The following CAMK2B variants were observed in gnomAD, a reference collection of about 807,000 sequenced individuals.
CAMK2B encodes the protein calcium/calmodulin dependent protein kinase II beta.
CAMK2B carries 27 observed loss-of-function variants against 93.7 expected under a neutral mutation model. That is an observed-to-expected ratio of 0.29 (90% CI 0.21 to 0.40). CAMK2B has a LOEUF of 0.40. Among genes scored for constraint, CAMK2B ranks in the 10% least tolerant of loss-of-function variants. The probability of loss-of-function intolerance (pLI) is 1.00; values close to 1 mark genes in which losing one functional copy is unlikely to be tolerated. For synonymous variants in CAMK2B, 374 were observed against 358.8 expected (o/e 1.04, Z -0.48); for missense variants, 568 against 895.8 (o/e 0.63, Z 4.67).
chr7:44,277,168 C>T (rs528642948), intron 2 of CAMK2B, among the ~76,000 whole-genome samples: 6 of 148,580 alleles, frequency 4.0e-5, no homozygotes, highest in African/African-American at 7.3e-5. Flanking sequence ...GCTGGGCAAG[C>T]GGGCGGGGGG....
At chr7:44,320,030 G>A (rs1795702846) in intron 1 of CAMK2B, among the ~76,000 whole-genome samples, 1 of 152,170 alleles carries the variant, frequency 6.6e-6, no homozygotes, top group Non-Finnish European at 1.5e-5. Flanking sequence ...GAACTTGAGT[G>A]TAAAGGAGTC....
intron 2 of CAMK2B, among the ~76,000 whole-genome samples, chr7:44,279,100 A>G (rs2097079781): frequency 6.6e-6 from 1 of 151,982 alleles, no homozygotes; most frequent in Admixed American, 6.5e-5. Flanking sequence ...AGATGGTATC[A>G]AGGAATTACT....
chr7:44,257,958 C>A (rs765242031), intron 4 of CAMK2B, among the ~76,000 whole-genome samples: 26 of 152,252 alleles, frequency 1.7e-4, no homozygotes, highest in Admixed American at 7.2e-4. Context: ...GCAATAGCAC[C>A]AAGGCTGGGC....
chr7:44,253,510 G>T (rs1302125334), intron 5 of CAMK2B, among the ~76,000 whole-genome samples: 1 of 152,172 alleles, frequency 6.6e-6, no homozygotes, highest in Non-Finnish European at 1.5e-5. Flanking sequence ...ACCACGCACG[G>T]CCTAAAAAGA....
chr7:44,295,783 G>A (rs952762576), intron 1 of CAMK2B, among the ~76,000 whole-genome samples: 3 of 152,134 alleles, frequency 2.0e-5, no homozygotes, highest in African/African-American at 7.2e-5. Flanking sequence ...CAACCTGCTG[G>A]GGCTTTATCA....
rs1196874836 is a variant in CAMK2B at position 44,242,359 on chromosome 7, C to T, written c.697-19G>A. ...ACGGGAACTGCAGAAGGAAACAGCG[C>T]CCCGGCCGGGCCTGAAGCTCCCTCT... On this transcript the variant is annotated intron_variant, in intron 9 of 23. Transcript: ENST00000395749. 1.2e-6 allele frequency: 2 copies of T among 1,608,718 alleles called. No homozygotes were observed. The highest frequency in any genetic ancestry group is 1.7e-5 in the Admixed American group (1 of 59,402).
chr7:44,281,751 T>C (rs2097103858), intron 2 of CAMK2B, among the ~76,000 whole-genome samples: 1 of 152,082 alleles, frequency 6.6e-6, no homozygotes, highest in Non-Finnish European at 1.5e-5. Context: ...GAAATCCTGG[T>C]TACAGAGGCC....
chr7:44,287,079 G>A (rs1319671820), intron 1 of CAMK2B, among the ~76,000 whole-genome samples: 1 of 152,042 alleles, frequency 6.6e-6, no homozygotes, highest in African/African-American at 2.4e-5. Context: ...CTTTCCCAGC[G>A]ACTTGGATGC....
chr7:44,225,935 G>A lies in CAMK2B; in HGVS notation c.1597+581C>T. On this transcript the variant is annotated intron_variant, in intron 20 of 23. Coordinates refer to ENST00000395749, the MANE Select transcript of CAMK2B (RefSeq NM_001220.5). This position sits in a 1 kb window ranked among gnomAD's most constrained non-coding sequence, Gnocchi z 5.0. Reference sequence around the variant, plus strand: ...GTAGTCGGCAGACAGACCGGGAGGTGGCCCAGCCTGGCTCCTCCCTGGCCG... The same window carrying A: ...GTAGTCGGCAGACAGACCGGGAGGTAGCCCAGCCTGGCTCCTCCCTGGCCG... 7.9e-7 allele frequency: 1 copy of A among 1,270,162 alleles called. No individual in the cohort carries two copies. The highest frequency in any genetic ancestry group is 1.0e-6 in the Non-Finnish European group (1 of 976,212). The allele number at this position is 1,270,162 out of a possible 1,614,324, so 78.7% of individuals were successfully genotyped here. A position where few individuals can be genotyped will look rare whatever the true frequency, so the allele number is the denominator to read the frequency against.
intron 1 of CAMK2B, among the ~76,000 whole-genome samples, chr7:44,309,851 G>T (rs1584874577): frequency 6.6e-6 from 1 of 152,386 alleles, no homozygotes; most frequent in Non-Finnish European, 1.5e-5. Context: ...GCGCAGCCTT[G>T]CAGCGACCTT....
At chr7:44,220,933 G>C in intron 20 of CAMK2B, 32 bp from the exon 21 acceptor site, 1 of 1,539,396 alleles carries the variant, frequency 6.5e-7, no homozygotes, top group East Asian at 2.4e-5. Flanking sequence ...TGACCACTGG[G>C]CGCTGGCCCA....
intron 6 of CAMK2B, among the ~76,000 whole-genome samples, chr7:44,245,907 G>A (rs1391743920): frequency 6.6e-6 from 1 of 152,140 alleles, no homozygotes; most frequent in African/African-American, 2.4e-5. Flanking sequence ...CTACAGAGAA[G>A]CAGCAGGCTG....
At chr7:44,240,505 C>CG (rs887497121) in intron 12 of CAMK2B, among the ~76,000 whole-genome samples, 1 of 152,316 alleles carries the variant, frequency 6.6e-6, no homozygotes, top group East Asian at 1.9e-4. Context: ...GTGATGGCCT[C>CG]GGGGGGCTGG....
chr7:44,242,474 C>A, intron 9 of CAMK2B, 86 bp downstream of exon 9: 1 of 1,502,730 alleles, frequency 6.7e-7, no homozygotes, highest in Non-Finnish European at 9.1e-7. Flanking sequence ...GGTGGCTTCA[C>A]CCCACTCCTA....
chr7:44,295,188 T>A (rs190524958), intron 1 of CAMK2B, among the ~76,000 whole-genome samples: 1,952 of 152,300 alleles, frequency 0.013, 19 homozygotes, highest in Non-Finnish European at 0.02. Context: ...GTAGATTTTT[T>A]AAAAATACCT....
At chr7:44,232,347 T>C (rs1478510818) in intron 16 of CAMK2B, among the ~76,000 whole-genome samples, 1 of 151,698 alleles carries the variant, frequency 6.6e-6, no homozygotes, top group African/African-American at 2.4e-5. Flanking sequence ...GCCCCTTCCC[T>C]GGCCCCAGAG....
At chr7:44,293,672 G>T (rs184387968) in intron 1 of CAMK2B, among the ~76,000 whole-genome samples, 86 of 152,264 alleles carry the variant, frequency 5.6e-4, no homozygotes, top group African/African-American at 2.1e-3. Flanking sequence ...TAGATCCCTC[G>T]CTTGCACAGT....
At chr7:44,246,713 C>A (rs1211750231) in intron 6 of CAMK2B, among the ~76,000 whole-genome samples, 1 of 152,184 alleles carries the variant, frequency 6.6e-6, no homozygotes, top group African/African-American at 2.4e-5. Flanking sequence ...GATGCACACA[C>A]AAGCATGTAT....
intron 1 of CAMK2B, among the ~76,000 whole-genome samples, chr7:44,300,020 C>A (rs200285993): frequency 7.1e-6 from 1 of 141,630 alleles, no homozygotes; most frequent in Non-Finnish European, 1.5e-5. Context: ...GTGTATGTGT[C>A]TGTGTGTGTG....
Sources: allele counts gnomAD v4.1 joint callset (sites outside exome capture counted in the v4.1 genomes callset), GRCh38; gene constraint gnomAD v4.1.1; non-coding constraint Gnocchi (gnomAD v3.1); transcripts MANE v1.5; gene names NCBI Gene and HGNC (gene_info 2026-07-23, HGNC 2026-07-21).